PDE10A: variants seen among roughly 807,000 people sequenced by gnomAD.
PDE10A encodes the protein phosphodiesterase 10A, also known as cAMP and cAMP-inhibited cGMP 3',5'-cyclic phosphodiesterase 10A.
PDE10A carries 39 observed loss-of-function variants against 97.7 expected under a neutral mutation model. The observed-to-expected ratio is 0.40, with a 90% CI of 0.31 to 0.52. The LOEUF is 0.52. PDE10A is among the 20% of genes least tolerant of loss of function. The pLI is 0.56. For missense variants in PDE10A, 731 were observed against 1,047.8 expected (o/e 0.70, Z 4.17); for synonymous variants, 371 against 376.8 (o/e 0.98, Z 0.18).
At chr6:165,964,680 C>T (rs1316522293) in intron 1 of PDE10A, among the ~76,000 whole-genome samples, 3 of 152,132 alleles carry the variant, frequency 2.0e-5, no homozygotes, top group Non-Finnish European at 4.4e-5. Flanking sequence ...TCCAGCAGTG[C>T]CCAATTTAGA....
At chr6:165,831,903 C>G (rs909390939) in intron 1 of PDE10A, among the ~76,000 whole-genome samples, 4 of 152,094 alleles carry the variant, frequency 2.6e-5, no homozygotes, top group African/African-American at 9.7e-5. Context: ...TCAATTCTCC[C>G]CCTTACGTCT....
intron 1 of PDE10A, among the ~76,000 whole-genome samples, chr6:165,910,513 A>C (rs1782424784): frequency 6.6e-6 from 1 of 152,214 alleles, no homozygotes; most frequent in Non-Finnish European, 1.5e-5. Context: ...CAGAATAAAA[A>C]CTATAATTGA....
At chr6:165,703,797 C>T (rs889666958) in intron 1 of PDE10A, among the ~76,000 whole-genome samples, 1 of 152,224 alleles carries the variant, frequency 6.6e-6, no homozygotes, top group African/African-American at 2.4e-5. Flanking sequence ...GTCAGTCCCC[C>T]CAGTAATCAG....
chr6:165,672,283 C>T (rs757518804), intron 1 of PDE10A, among the ~76,000 whole-genome samples: 25 of 152,192 alleles, frequency 1.6e-4, no homozygotes, highest in Non-Finnish European at 2.9e-4. Context: ...CAATTTAGGA[C>T]AAACACATCA....
intron 1 of PDE10A, among the ~76,000 whole-genome samples, chr6:165,704,083 G>A (rs1045092439): frequency 1.3e-5 from 2 of 152,160 alleles, no homozygotes; most frequent in Non-Finnish European, 2.9e-5. Flanking sequence ...GCCGTGCCAC[G>A]TACAACAGTA....
chr6:165,536,291 T>C (rs574916717), intron 2 of PDE10A, among the ~76,000 whole-genome samples: 1 of 152,004 alleles, frequency 6.6e-6, no homozygotes, highest in South Asian at 2.1e-4. Context: ...CACCCCTATC[T>C]CTCACCTTAT....
chr6:165,734,018 G>C (rs1265860441), intron 1 of PDE10A, among the ~76,000 whole-genome samples: 1 of 152,138 alleles, frequency 6.6e-6, no homozygotes, highest in African/African-American at 2.4e-5. Context: ...GTGCACGATG[G>C]GGACAGGGAG....
chr6:165,616,819 C>T (rs1787746939), intron 1 of PDE10A, among the ~76,000 whole-genome samples: 1 of 152,158 alleles, frequency 6.6e-6, no homozygotes, highest in East Asian at 1.9e-4. Flanking sequence ...ACACATGACA[C>T]TGTGCACCAC....
At chr6:165,350,565 AGAG>A (rs1034604614) in intron 18 of PDE10A, among the ~76,000 whole-genome samples, 5 of 152,134 alleles carry the variant, frequency 3.3e-5, no homozygotes, top group African/African-American at 1.2e-4. Context: ...TGTTGGAAGT[AGAG>A]GATTGTGTTT....
At chr6:165,612,303 A>T (rs1787531472) in intron 1 of PDE10A, among the ~76,000 whole-genome samples, 1 of 152,206 alleles carries the variant, frequency 6.6e-6, no homozygotes, top group Non-Finnish European at 1.5e-5. Context: ...AACATCAGGA[A>T]TGCTCTGCTC....
intron 1 of PDE10A, among the ~76,000 whole-genome samples, chr6:165,912,755 G>A (rs1782497527): frequency 6.6e-6 from 1 of 152,166 alleles, no homozygotes; most frequent in Admixed American, 6.5e-5. Context: ...TACACAAAAA[G>A]TAAGGCTATG....
chr6:165,948,332 A>G (rs1198445035), intron 1 of PDE10A: 1 of 152,252 alleles, frequency 6.6e-6, no homozygotes, highest in Non-Finnish European at 1.5e-5. Context: ...ATGGAGAACA[A>G]GAGAAGAGTA....
chr6:165,480,153 T>G (rs943426224), intron 3 of PDE10A, among the ~76,000 whole-genome samples: 6 of 151,792 alleles, frequency 4.0e-5, no homozygotes, highest in African/African-American at 2.4e-5. Flanking sequence ...GTTTAGAAAC[T>G]AAGATGTTTT....
At chr6:165,892,074 G>C (rs907239) in intron 1 of PDE10A, among the ~76,000 whole-genome samples, 1 of 151,962 alleles carries the variant, frequency 6.6e-6, no homozygotes, top group Admixed American at 6.6e-5. Flanking sequence ...TCCATGAGGC[G>C]GGTGAAGAAG....
At chr6:165,702,051 G>T (rs73028181) in intron 1 of PDE10A, among the ~76,000 whole-genome samples, 3,162 of 152,208 alleles carry the variant, frequency 0.021, 48 homozygotes, top group Admixed American at 0.039. Flanking sequence ...AGGCAGGCAG[G>T]GCCAGGTCAG....
intron 1 of PDE10A, among the ~76,000 whole-genome samples, chr6:165,599,100 C>T (rs1371552911): frequency 3.3e-5 from 5 of 152,156 alleles, no homozygotes; most frequent in Admixed American, 6.5e-5. Flanking sequence ...TCAGAATTGC[C>T]CTAAGACGGT....
chr6:165,859,104 T>C (rs1780828848), intron 1 of PDE10A, among the ~76,000 whole-genome samples: 1 of 152,222 alleles, frequency 6.6e-6, no homozygotes, highest in Non-Finnish European at 1.5e-5. Context: ...CACAAGATTT[T>C]CATTCACTGA....
chr6:165,619,694 G>A (rs1402389515), intron 1 of PDE10A, among the ~76,000 whole-genome samples: 1 of 149,374 alleles, frequency 6.7e-6, no homozygotes, highest in South Asian at 2.1e-4. Flanking sequence ...GTAGTGTAGT[G>A]TAGTCCAGTG....
chr6:165,569,891 G>A (rs1784968182), intron 1 of PDE10A, among the ~76,000 whole-genome samples: 1 of 152,166 alleles, frequency 6.6e-6, no homozygotes, highest in Non-Finnish European at 1.5e-5. Context: ...GTTTTCTGGA[G>A]AGGAAAAAAT....
Sources: gnomAD v4.1 joint callset for allele counts (sites outside exome capture counted in the v4.1 genomes callset) on GRCh38, gnomAD v4.1.1 for gene constraint, MANE v1.5 for transcripts, NCBI Gene and HGNC (gene_info 2026-07-23, HGNC 2026-07-21) for gene names.